PGS1: variants seen among roughly 807,000 people sequenced by gnomAD.
The protein encoded by PGS1 is CDP-diacylglycerol--glycerol-3-phosphate 3-phosphatidyltransferase, mitochondrial.
A neutral mutation model predicts 58.3 loss-of-function variants in PGS1; 44 were observed. The ratio of observed to expected loss-of-function variants is 0.75; its 90% CI spans 0.59 to 0.97. The LOEUF (loss-of-function observed/expected upper bound fraction) is 0.97, where lower values mean the gene tolerates loss of function less well. Among genes scored for constraint, PGS1 ranks in the 50% least tolerant of loss-of-function variants. The pLI is 0.00. For synonymous variants in PGS1, 330 were observed against 311.0 expected (o/e 1.06, Z -0.64); for missense variants, 684 against 731.1 (o/e 0.94, Z 0.74).
At chr17:78,409,874 G>C (rs2084481606) in intron 7 of PGS1, among the ~76,000 whole-genome samples, 1 of 152,230 alleles carries the variant, frequency 6.6e-6, no homozygotes, top group East Asian at 1.9e-4. Context: ...ACTTTGGGAG[G>C]CCAAGGTAGG....
chr17:78,417,055 C>T (rs774332402), intron 8 of PGS1, among the ~76,000 whole-genome samples: 36 of 152,182 alleles, frequency 2.4e-4, no homozygotes, highest in Non-Finnish European at 4.4e-4. Context: ...CCCCTCCCTC[C>T]ACTTAGTACA....
At chr17:78,410,870 G>C (rs2084623352) in intron 7 of PGS1, among the ~76,000 whole-genome samples, 1 of 152,132 alleles carries the variant, frequency 6.6e-6, no homozygotes, top group Non-Finnish European at 1.5e-5. Flanking sequence ...ACAAATACCA[G>C]CTGTGTCCCA....
At chr17:78,411,336 C>T (rs369075314) in intron 7 of PGS1, among the ~76,000 whole-genome samples, 9 of 152,186 alleles carry the variant, frequency 5.9e-5, no homozygotes, top group South Asian at 2.1e-4. Context: ...ATCAGCCTTC[C>T]GCAGGGCAGT....
intron 1 of PGS1, among the ~76,000 whole-genome samples, chr17:78,387,596 GC>G (rs1284019861): frequency 8.7e-6 from 1 of 115,336 alleles, no homozygotes; most frequent in African/African-American, 2.9e-5. Flanking sequence ...ATCGCGCCCA[GC>G]CTTTTTTTTT....
At chr17:78,398,917 A>G (rs1898755660) in intron 4 of PGS1, among the ~76,000 whole-genome samples, 2 of 152,128 alleles carry the variant, frequency 1.3e-5, no homozygotes. Context: ...GACTGGCCTG[A>G]CGGTGGCATG....
At position 78,424,136 on chromosome 17, in the gene PGS1, G is replaced by C. The variant is rs1214635682; in HGVS notation, c.*86G>C. 9.3e-6 allele frequency: 15 copies of C among 1,612,088 alleles called. No homozygotes were observed. The highest frequency in any genetic ancestry group is 1.2e-5 in the Non-Finnish European group (14 of 1,179,216). On this transcript the variant is annotated 3_prime_UTR_variant, in exon 10 of 10. Transcript: ENST00000262764. Reference sequence around the variant, plus strand: ...CGCGCTTCAGCGATGACTCCAGTCTGGGTGTCCCAGCGAGCCCCTGCAGGG... The same window carrying C: ...CGCGCTTCAGCGATGACTCCAGTCTCGGTGTCCCAGCGAGCCCCTGCAGGG...
chr17:78,403,898 C>G lies in PGS1; in HGVS notation c.1211C>G (p.Ala404Gly). The change falls in exon 7 of 10, where the codon GCT becomes GGT. Residue 404 changes from alanine (A) to glycine (G), a missense_variant. Coordinates refer to ENST00000262764, the MANE Select transcript of PGS1 (RefSeq NM_024419.5). ...AYMDLVLGTR[A>G]EYQILLASPE... Reference sequence around the variant, plus strand: ...ATGGACCTGGTCTTGGGCACTCGGGCTGAGTACCAGATCCTGCTGGCCTCA... The same window carrying G: ...ATGGACCTGGTCTTGGGCACTCGGGGTGAGTACCAGATCCTGCTGGCCTCA... 9.3e-6 allele frequency: 15 copies of G among 1,614,126 alleles called. No homozygotes were observed. Among genetic ancestry groups the G allele is most frequent in the Non-Finnish European group, 1.2e-5 (14 of 1,179,952 alleles).
Position 78,378,694 on chromosome 17 carries a change from G to T in PGS1, c.29G>T (p.Gly10Val). The change falls in exon 1 of 10, where the codon GGA (glycine) becomes GTA (valine). Residue 10 changes from glycine to valine, a missense_variant. Physicochemically the swap from Gly to Val is moderately radical, Grantham distance 109. Coordinates refer to ENST00000262764, the MANE Select transcript of PGS1 (RefSeq NM_024419.5). ...GCGGTGGCGGCGGCAGCTGCGGCGGGACCCGTGTTCTGGAGGCGACTGCTG... is the reference window on the plus strand; with the variant it reads ...GCGGTGGCGGCGGCAGCTGCGGCGGTACCCGTGTTCTGGAGGCGACTGCTG... MAVAAAAAA[G>V]PVFWRRLLGL... The T allele has an allele frequency of 6.6e-7, 1 of 1,526,260 alleles. No homozygotes were observed. The highest frequency in any genetic ancestry group is 8.7e-7 in the Non-Finnish European group (1 of 1,143,384). 94.5% of individuals were successfully genotyped at this position (1,526,260 alleles called of 1,614,324 possible).
chr17:78,384,571 CAG>C (rs2082248706), intron 1 of PGS1, among the ~76,000 whole-genome samples: 2 of 152,154 alleles, frequency 1.3e-5, no homozygotes, highest in Non-Finnish European at 2.9e-5. Context: ...CTCCAGGCCA[CAG>C]AGTCTGTACC....
Position 78,385,116 on chromosome 17 carries a change from TC to T in PGS1, c.143+6309del, listed in dbSNP as rs370872895. ...AAATGCCTTCTGTTTTCCCCAGGTTTCTTTCTTTCTTTCTTTTTCTGAGATG... is the reference window on the plus strand; with the variant it reads ...AAATGCCTTCTGTTTTCCCCAGGTTTTTTCTTTCTTTCTTTTTCTGAGATG... On this transcript the variant is annotated intron_variant, in intron 1 of 9. Coordinates refer to ENST00000262764, the MANE Select transcript of PGS1 (RefSeq NM_024419.5). Among the ~76,000 whole-genome samples, 216 of 152,140 alleles carry T rather than the reference TC, an allele frequency of 1.4e-3. 2 individuals are homozygous for T. Among genetic ancestry groups the T allele is most frequent in the African/African-American group, 4.8e-3 (200 of 41,516 alleles).
chr17:78,381,421 G>T (rs561611057), intron 1 of PGS1, among the ~76,000 whole-genome samples: 3 of 152,306 alleles, frequency 2.0e-5, no homozygotes, highest in Admixed American at 1.3e-4. Flanking sequence ...TTGAGTGGTA[G>T]TGTAGGTTTC....
chr17:78,403,076 C>T (rs893339386), intron 6 of PGS1, among the ~76,000 whole-genome samples: 9 of 152,176 alleles, frequency 5.9e-5, no homozygotes, highest in Admixed American at 1.3e-4. Flanking sequence ...CTGTGGAATA[C>T]GCATGCTCCT....
chr17:78,386,461 C>T (rs182830619), intron 1 of PGS1, among the ~76,000 whole-genome samples: 300 of 152,302 alleles, frequency 2.0e-3, no homozygotes, highest in Non-Finnish European at 2.5e-3. Context: ...CCCACCACTT[C>T]CTCCTTCCCA....
chr17:78,391,294 C>A (rs1056417071), intron 1 of PGS1, among the ~76,000 whole-genome samples: 3 of 152,046 alleles, frequency 2.0e-5, no homozygotes, highest in African/African-American at 7.2e-5. Context: ...TCCCGTCTCT[C>A]CCTGCTCCAG....
intron 9 of PGS1, among the ~76,000 whole-genome samples, chr17:78,422,233 C>T (rs899989820): frequency 6.6e-6 from 1 of 152,068 alleles, no homozygotes; most frequent in African/African-American, 2.4e-5. Context: ...GAGGTATTGG[C>T]CCAGCCAGGC....
intron 4 of PGS1, 150 bp downstream of exon 4, chr17:78,398,501 AG>A (rs2083416376): frequency 3.1e-6 from 2 of 639,002 alleles, no homozygotes; most frequent in Non-Finnish European, 5.5e-6. Flanking sequence ...TGTGTGAGTT[AG>A]GATTTTTTTC....
At chr17:78,403,274 T>C (rs1169289535) in intron 6 of PGS1, among the ~76,000 whole-genome samples, 1 of 151,768 alleles carries the variant, frequency 6.6e-6, no homozygotes, top group Non-Finnish European at 1.5e-5. Flanking sequence ...TTTCTCTCCC[T>C]GTCAGTTTGT....
At chr17:78,418,484 GATT>G (rs1440189239) in intron 8 of PGS1, among the ~76,000 whole-genome samples, 1 of 152,114 alleles carries the variant, frequency 6.6e-6, no homozygotes, top group African/African-American at 2.4e-5. Flanking sequence ...TTTCCCATAT[GATT>G]AGGTCAACAC....
At chr17:78,387,228 T>C (rs1363365903) in intron 1 of PGS1, among the ~76,000 whole-genome samples, 1 of 152,068 alleles carries the variant, frequency 6.6e-6, no homozygotes, top group Non-Finnish European at 1.5e-5. Context: ...GGTCTCGATC[T>C]CCTGGCCTCA....
Sources: allele counts gnomAD v4.1 joint callset (sites outside exome capture counted in the v4.1 genomes callset), GRCh38; gene constraint gnomAD v4.1.1; transcripts MANE v1.5; gene names NCBI Gene and HGNC (gene_info 2026-07-23, HGNC 2026-07-21).